FSTL4: variants seen among roughly 807,000 people sequenced by gnomAD.
FSTL4 encodes the protein follistatin like 4, also known as follistatin-related protein 4.
In FSTL4, 28 loss-of-function variants were observed where a neutral mutation model predicts 78.2. That is an observed-to-expected ratio of 0.36 (90% CI 0.27 to 0.49). FSTL4 has a LOEUF of 0.49. Ranked by LOEUF, FSTL4 falls within the 20% of genes least tolerant of loss-of-function variation. The probability of loss-of-function intolerance (pLI) is 0.98; values close to 1 mark genes in which losing one functional copy is unlikely to be tolerated. For synonymous variants in FSTL4, 422 were observed against 440.5 expected (o/e 0.96, Z 0.53); for missense variants, 922 against 1,084.9 (o/e 0.85, Z 2.11).
At position 133,569,728 on chromosome 5, in the gene FSTL4, A is replaced by G. The variant is rs894815452; in HGVS notation, c.127-2509T>C. ...CTATTAATAGGATGACTTACATAGT[A>G]GATCTCATAATATTCCACTACCCCT... On this transcript the variant is annotated intron_variant, in intron 2 of 15. Transcript: ENST00000265342. 5.3e-4 allele frequency among the ~76,000 whole-genome samples: 80 copies of G among 152,222 alleles called. 1 individual carries two copies. Among genetic ancestry groups the G allele is most frequent in the Non-Finnish European group, 2.9e-5 (2 of 68,046 alleles).
In FSTL4 at chr5:133,199,885, CCCTTTATTATAAT is replaced by C; in HGVS notation, c.1827-101_1827-89del. On this transcript the variant is annotated intron_variant, in intron 15 of 15. Transcript: ENST00000265342. The surrounding 1 kb of genome is among the most constrained non-coding windows in gnomAD (Gnocchi z 4.4). ...TAAACAATTACATCCTCTGCCTTTT[CCCTTTATTATAAT>C]CCTTCAGTGATCTAATAGCCTAGTA... The C allele has an allele frequency of 1.5e-6, 1 of 664,478 alleles. No homozygotes were observed. Among genetic ancestry groups the C allele is most frequent in the Non-Finnish European group, 2.6e-6 (1 of 379,040 alleles). 41.2% of individuals were successfully genotyped at this position (664,478 alleles called of 1,614,324 possible).
At chr5:133,569,978 G>A (rs894799526) in intron 2 of FSTL4, among the ~76,000 whole-genome samples, 6 of 152,102 alleles carry the variant, frequency 3.9e-5, no homozygotes, top group African/African-American at 1.4e-4. Context: ...GGGAGGCTGA[G>A]GCGGGCGGAT....
chr5:133,726,616 A>G, the FSTL4 span, among the ~76,000 whole-genome samples: 1 of 152,184 alleles, frequency 6.6e-6, no homozygotes, highest in East Asian at 1.9e-4. Flanking sequence ...TGCAGAGTTT[A>G]ACATATTTTA....
At chr5:133,323,391 A>C (rs567769021) in intron 4 of FSTL4, among the ~76,000 whole-genome samples, 5 of 152,344 alleles carry the variant, frequency 3.3e-5, no homozygotes, top group Non-Finnish European at 7.3e-5. Flanking sequence ...AGATGGGCTC[A>C]AAGCCCCAAG....
intron 3 of FSTL4, among the ~76,000 whole-genome samples, chr5:133,557,148 G>A (rs1006606607): frequency 1.3e-4 from 20 of 152,188 alleles, no homozygotes; most frequent in African/African-American, 4.8e-4. Flanking sequence ...CAACAAAAAA[G>A]TGCCCTTTAT....
chr5:133,349,798 A>G (rs1754783077), intron 4 of FSTL4, among the ~76,000 whole-genome samples: 1 of 147,710 alleles, frequency 6.8e-6, no homozygotes, highest in African/African-American at 2.5e-5. Flanking sequence ...AAGGACCCAT[A>G]GGATGGACTT....
chr5:133,689,695 T>C, the FSTL4 span, among the ~76,000 whole-genome samples: 5 of 152,150 alleles, frequency 3.3e-5, no homozygotes, highest in African/African-American at 1.2e-4. Flanking sequence ...AGCTTATTGT[T>C]TCTTATTCCC....
chr5:133,282,299 T>C (rs1252671102), intron 6 of FSTL4, among the ~76,000 whole-genome samples: 1 of 152,044 alleles, frequency 6.6e-6, no homozygotes, highest in Non-Finnish European at 1.5e-5. Flanking sequence ...AACCACATGC[T>C]CAGGCAGTGG....
intron 3 of FSTL4, among the ~76,000 whole-genome samples, chr5:133,526,585 G>A (rs1243540576): frequency 6.6e-6 from 1 of 152,154 alleles, no homozygotes; most frequent in African/African-American, 2.4e-5. Flanking sequence ...AGATCTCCAC[G>A]TGGATTAGCT....
At chr5:133,740,972 G>A in the FSTL4 span, among the ~76,000 whole-genome samples, 3 of 152,122 alleles carry the variant, frequency 2.0e-5, no homozygotes, top group African/African-American at 7.2e-5. Flanking sequence ...TGGATGGATG[G>A]ATGGATGGGA....
chr5:133,460,053 C>T (rs994022783), intron 3 of FSTL4, among the ~76,000 whole-genome samples: 1 of 152,180 alleles, frequency 6.6e-6, no homozygotes, highest in African/African-American at 2.4e-5. Flanking sequence ...ACTTCATCCT[C>T]TTCATTTAAA....
Position 133,225,964 on chromosome 5 carries a change from G to T in FSTL4, c.1016-145C>A, listed in dbSNP as rs1751320639. 2 of 519,710 alleles carry T rather than the reference G, an allele frequency of 3.8e-6. No individual in the cohort carries two copies. The highest frequency in any genetic ancestry group is 1.9e-5 in the African/African-American group (1 of 51,802). 32.2% of individuals were successfully genotyped at this position (519,710 alleles called of 1,614,324 possible). On this transcript the variant is annotated intron_variant, in intron 8 of 15. Coordinates refer to ENST00000265342, the MANE Select transcript of FSTL4 (RefSeq NM_015082.2). The surrounding 1 kb of genome is among the most constrained non-coding windows in gnomAD (Gnocchi z 4.6). ...TGTTTAACCAAATTATAATAATCCT[G>T]TCCAGCAACGCAAGCTCTAAAAGAA...
chr5:133,773,053 A>T, the FSTL4 span, among the ~76,000 whole-genome samples: 1 of 152,060 alleles, frequency 6.6e-6, no homozygotes, highest in Admixed American at 6.6e-5. Context: ...AATGGGAAAA[A>T]GTTTAATTTG....
At chr5:133,431,748 C>T (rs186229509) in intron 3 of FSTL4, among the ~76,000 whole-genome samples, 3 of 152,268 alleles carry the variant, frequency 2.0e-5, no homozygotes, top group African/African-American at 7.2e-5. Context: ...TTTTAAGCTG[C>T]TAGGGTTTGG....
At chr5:133,204,555 G>C (rs1427847593) in intron 14 of FSTL4, among the ~76,000 whole-genome samples, 1 of 152,094 alleles carries the variant, frequency 6.6e-6, no homozygotes, top group Non-Finnish European at 1.5e-5. Flanking sequence ...TCACTGGCCA[G>C]GCATGGTGGC....
At chr5:133,420,209 T>G (rs1756663394) in intron 3 of FSTL4, among the ~76,000 whole-genome samples, 2 of 152,158 alleles carry the variant, frequency 1.3e-5, no homozygotes, top group South Asian at 4.1e-4. Flanking sequence ...CTAAAACTAA[T>G]CTACGATGCT....
intron 3 of FSTL4, among the ~76,000 whole-genome samples, chr5:133,447,150 C>T (rs577621329): frequency 1.3e-5 from 2 of 152,288 alleles, no homozygotes; most frequent in African/African-American, 2.4e-5. Flanking sequence ...GACTTGTGTG[C>T]CAAGCCCTGG....
At chr5:133,682,686 A>G in the FSTL4 span, among the ~76,000 whole-genome samples, 3 of 152,234 alleles carry the variant, frequency 2.0e-5, no homozygotes, top group African/African-American at 7.2e-5. Flanking sequence ...GCAGCCTGAA[A>G]TGCTCACACA....
chr5:133,788,940 C>A, the FSTL4 span, among the ~76,000 whole-genome samples: 2 of 152,136 alleles, frequency 1.3e-5, no homozygotes, highest in African/African-American at 4.8e-5. Context: ...AAATACATTA[C>A]GACCCCAGAA....
Sources: gnomAD v4.1 joint callset for allele counts (sites outside exome capture counted in the v4.1 genomes callset) on GRCh38, gnomAD v4.1.1 for gene constraint, Gnocchi (gnomAD v3.1) non-coding constraint, MANE v1.5 for transcripts, NCBI Gene and HGNC (gene_info 2026-07-23, HGNC 2026-07-21) for gene names.